SOBP: variants seen among roughly 807,000 people sequenced by gnomAD.
SOBP encodes the protein sine oculis-binding protein homolog.
A neutral mutation model predicts 53.6 loss-of-function variants in SOBP; 4 were observed. That is an observed-to-expected ratio of 0.07 (90% CI 0.04 to 0.17). The LOEUF (loss-of-function observed/expected upper bound fraction) is 0.17. Among genes scored for constraint, SOBP ranks in the 10% least tolerant of loss-of-function variants. The probability of loss-of-function intolerance (pLI) is 1.00; values close to 1 mark genes in which losing one functional copy is unlikely to be tolerated. For synonymous variants in SOBP, 584 were observed against 522.6 expected, an observed-to-expected ratio of 1.12 and a Z score of -1.60; for missense variants, 1,088 against 1,204.7, an observed-to-expected ratio of 0.90 and a Z score of 1.43.
chr6:107,578,957 C>G (rs906394760), intron 4 of SOBP, among the ~76,000 whole-genome samples: 1 of 152,078 alleles, frequency 6.6e-6, no homozygotes, highest in Non-Finnish European at 1.5e-5. Flanking sequence ...TCATATGAGC[C>G]CAACCCCCTT....
At chr6:107,611,777 T>C (rs1786608854) in intron 5 of SOBP, among the ~76,000 whole-genome samples, 2 of 152,180 alleles carry the variant, frequency 1.3e-5, no homozygotes, top group Non-Finnish European at 2.9e-5. Context: ...AGCATGTACG[T>C]GTAGAAATAC....
At chr6:107,500,036 C>T (rs1275697555) in intron 1 of SOBP, among the ~76,000 whole-genome samples, 1 of 152,070 alleles carries the variant, frequency 6.6e-6, no homozygotes, top group Non-Finnish European at 1.5e-5. Flanking sequence ...TGTTGGAATT[C>T]TCTGCTAGAA....
intron 4 of SOBP, among the ~76,000 whole-genome samples, chr6:107,545,302 A>C (rs1167229547): frequency 1.3e-5 from 2 of 152,194 alleles, no homozygotes; most frequent in Admixed American, 6.5e-5. Flanking sequence ...ATACAAGGGC[A>C]GACAGAAACT....
At chr6:107,604,512 C>A (rs547503059) in intron 5 of SOBP, among the ~76,000 whole-genome samples, 14 of 150,918 alleles carry the variant, frequency 9.3e-5, no homozygotes, top group African/African-American at 3.4e-4. Context: ...CCTGCCCCCA[C>A]CCCCTAATCC....
At chr6:107,632,299 A>G (rs1770747162) in intron 5 of SOBP, among the ~76,000 whole-genome samples, 1 of 151,754 alleles carries the variant, frequency 6.6e-6, no homozygotes, top group South Asian at 2.1e-4. Context: ...GCTGCTATAT[A>G]TGGCTTGAGT....
intron 4 of SOBP, among the ~76,000 whole-genome samples, chr6:107,564,016 G>A (rs1231801321): frequency 2.0e-5 from 3 of 152,212 alleles, no homozygotes; most frequent in Non-Finnish European, 4.4e-5. Flanking sequence ...CGGGTGGGTA[G>A]TCTAAGTTTC....
chr6:107,512,026 G>C (rs1783185047), intron 3 of SOBP, among the ~76,000 whole-genome samples: 1 of 151,906 alleles, frequency 6.6e-6, no homozygotes, highest in Non-Finnish European at 1.5e-5. Flanking sequence ...CAGACTCTAG[G>C]AAATGAACAG....
At chr6:107,621,223 C>A in intron 5 of SOBP, 1 of 478,514 alleles carries the variant, frequency 2.1e-6, no homozygotes, top group South Asian at 9.1e-5. Flanking sequence ...TGTCTTGGTT[C>A]ACACCATTTA....
intron 5 of SOBP, among the ~76,000 whole-genome samples, chr6:107,620,450 C>G (rs1419037839): frequency 6.6e-6 from 1 of 152,202 alleles, no homozygotes; most frequent in Non-Finnish European, 1.5e-5. Flanking sequence ...TTGAGTTGCT[C>G]TGTCCCTCTT....
At chr6:107,500,590 C>T (rs1027059517) in intron 1 of SOBP, among the ~76,000 whole-genome samples, 3 of 151,614 alleles carry the variant, frequency 2.0e-5, no homozygotes, top group Non-Finnish European at 2.9e-5. Context: ...GGCGCGATCT[C>T]GGCTCACTGC....
intron 4 of SOBP, among the ~76,000 whole-genome samples, chr6:107,569,643 G>A (rs1455039872): frequency 2.0e-5 from 3 of 152,218 alleles, no homozygotes; most frequent in Non-Finnish European, 2.9e-5. Context: ...ATTTGCAAGC[G>A]TTTGCAGCAC....
At chr6:107,620,928 C>T (rs374920003) in intron 5 of SOBP, among the ~76,000 whole-genome samples, 1 of 152,192 alleles carries the variant, frequency 6.6e-6, no homozygotes, top group African/African-American at 2.4e-5. Context: ...TTCTGCATCT[C>T]ATTTCCTCCT....
At chr6:107,507,303 T>C (rs1305999552) in intron 3 of SOBP, among the ~76,000 whole-genome samples, 1 of 151,944 alleles carries the variant, frequency 6.6e-6, no homozygotes, top group Non-Finnish European at 1.5e-5. Context: ...TTTTTTGAGA[T>C]TTAAATTTTT....
At chr6:107,624,819 T>C (rs1337336598) in intron 5 of SOBP, among the ~76,000 whole-genome samples, 1 of 152,188 alleles carries the variant, frequency 6.6e-6, no homozygotes, top group African/African-American at 2.4e-5. Flanking sequence ...GGGAGATAGG[T>C]TGGGTTTCAC....
intron 2 of SOBP, among the ~76,000 whole-genome samples, chr6:107,504,766 A>C (rs889266086): frequency 6.6e-6 from 1 of 152,262 alleles, no homozygotes; most frequent in Non-Finnish European, 1.5e-5. Context: ...AGGCAAGTGG[A>C]ATTGAATGTA....
chr6:107,530,735 C>T (rs889890597), intron 3 of SOBP, among the ~76,000 whole-genome samples: 6 of 151,962 alleles, frequency 3.9e-5, no homozygotes, highest in African/African-American at 1.2e-4. Flanking sequence ...TGAAAAACTG[C>T]GGGGAGCGTT....
chr6:107,497,877 T>C (rs1352212264), intron 1 of SOBP, among the ~76,000 whole-genome samples: 2 of 152,196 alleles, frequency 1.3e-5, no homozygotes, highest in Non-Finnish European at 2.9e-5. Flanking sequence ...GTAAAATTGC[T>C]AAGTCAAAGG....
chr6:107,633,140 C>T (rs1242435828), intron 5 of SOBP, among the ~76,000 whole-genome samples: 2 of 152,184 alleles, frequency 1.3e-5, no homozygotes, highest in Non-Finnish European at 2.9e-5. Context: ...AGAACCTTTC[C>T]CTCCAAAACT....
At chr6:107,560,407 AG>A (rs1055922906) in intron 4 of SOBP, among the ~76,000 whole-genome samples, 3 of 152,134 alleles carry the variant, frequency 2.0e-5, no homozygotes, top group Admixed American at 6.5e-5. Flanking sequence ...CTCCCTTTCC[AG>A]GGTCTCACCT....
Sources: gnomAD v4.1 joint callset for allele counts (sites outside exome capture counted in the v4.1 genomes callset) on GRCh38, gnomAD v4.1.1 for gene constraint, MANE v1.5 for transcripts, NCBI Gene and HGNC (gene_info 2026-07-23, HGNC 2026-07-21) for gene names.